GAREM1: variants seen among roughly 807,000 people sequenced by gnomAD.
The protein encoded by GAREM1 is GRB2 associated regulator of MAPK1 subtype 1.
GAREM1 carries 26 observed loss-of-function variants against 71.3 expected under a neutral mutation model. The ratio of observed to expected loss-of-function variants is 0.36; its 90% CI spans 0.27 to 0.51. The LOEUF (loss-of-function observed/expected upper bound fraction) is 0.51, where lower values mean the gene tolerates loss of function less well. GAREM1 is among the 20% of genes least tolerant of loss of function. The probability of loss-of-function intolerance (pLI) is 0.95; values close to 1 mark genes in which losing one functional copy is unlikely to be tolerated. For missense variants in GAREM1, 1,026 were observed against 1,103.1 expected, an observed-to-expected ratio of 0.93 and a Z score of 0.99; for synonymous variants, 440 against 433.2, an observed-to-expected ratio of 1.02 and a Z score of -0.20.
At chr18:32,367,409 A>C (rs4499310) in intron 2 of GAREM1, among the ~76,000 whole-genome samples, 1 of 152,134 alleles carries the variant, frequency 6.6e-6, no homozygotes, top group Non-Finnish European at 1.5e-5. Context: ...TACTGAGTCT[A>C]AGACTCAGAC....
In GAREM1 at chr18:32,268,526, C is replaced by T. The variant is rs1419522443; in HGVS notation, c.1976G>A (p.Gly659Asp). ...SYSYPRQKTP[G>D]TPKRNCPAPF... ...TGCTGGGCAGTTTCTCTTTGGTGTG[C>T]CTGGCGTCTTTTGTCTAGGGTAACT... Residue 659 changes from glycine (G) to aspartate (D), a missense_variant, in exon 6 of 6, where the codon GGC (glycine) becomes GAC (aspartate). Gly to Asp is a moderately conservative substitution (Grantham distance 94). Coordinates refer to ENST00000269209, the MANE Select transcript of GAREM1 (RefSeq NM_001242409.2). 3.1e-6 allele frequency: 5 copies of T among 1,614,138 alleles called. No homozygotes were observed. The East Asian group carries it at 1.1e-4, about 36-fold the overall frequency.
At position 32,434,034 on chromosome 18, in the gene GAREM1, T is replaced by C. The variant is rs185370229; in HGVS notation, c.121+36274A>G. Among the ~76,000 whole-genome samples, 27 of 152,282 alleles carry C rather than the reference T, an allele frequency of 1.8e-4. No individual in the cohort carries two copies. The East Asian group carries it at 3.3e-3, about 19-fold the overall frequency. On this transcript the variant is annotated intron_variant, in intron 1 of 5. Coordinates refer to ENST00000269209, the MANE Select transcript of GAREM1 (RefSeq NM_001242409.2). ...AGATTCACACTATTTAAGACTGAAC[T>C]ATACTCAAGACTGTGTTGTACTGGT...
intron 1 of GAREM1, chr18:32,412,171 T>A (rs1463253229): frequency 2.0e-6 from 3 of 1,494,988 alleles, no homozygotes; most frequent in East Asian, 4.5e-5. Flanking sequence ...GGCTTCCCTG[T>A]CACTTCTCTG....
chr18:32,402,535 T>C (rs576383563), intron 1 of GAREM1, among the ~76,000 whole-genome samples: 6 of 152,164 alleles, frequency 3.9e-5, no homozygotes, highest in Non-Finnish European at 7.3e-5. Context: ...GAGCCACTTT[T>C]CTGATCCCTC....
intron 2 of GAREM1, among the ~76,000 whole-genome samples, chr18:32,355,776 G>A (rs2047798913): frequency 6.6e-6 from 1 of 152,064 alleles, no homozygotes. Context: ...TTAAGCAAAT[G>A]GATGTAATCA....
intron 2 of GAREM1, among the ~76,000 whole-genome samples, chr18:32,368,022 C>T (rs2047942312): frequency 6.6e-6 from 1 of 152,064 alleles, no homozygotes; most frequent in Admixed American, 6.6e-5. Context: ...ACATTCCTAT[C>T]CGTGCTTACC....
rs1483836252 is a variant in GAREM1, at chr18:32,336,417, G to T, written c.263-26094C>A. Among the ~76,000 whole-genome samples, 4 of 139,272 alleles carry T rather than the reference G, an allele frequency of 2.9e-5. No homozygotes were observed. The East Asian group carries it at 6.3e-4, about 22-fold the overall frequency. The allele number at this position is 139,272 out of a possible 152,430, so 91.4% of individuals were successfully genotyped here. On this transcript the variant is annotated intron_variant, in intron 2 of 5. Transcript: ENST00000269209. ...TGCACTCCAGCCTGGGCAACAGAGC[G>T]AGACTCCGTCTCAAAAAAAAAAAAA...
intron 2 of GAREM1, among the ~76,000 whole-genome samples, chr18:32,317,825 A>G (rs1038412142): frequency 1.1e-4 from 16 of 152,144 alleles, no homozygotes; most frequent in Non-Finnish European, 7.3e-5. Flanking sequence ...GTTGGAGTCA[A>G]ATCTTGGAGA....
At chr18:32,328,239 T>A (rs1308819033) in intron 2 of GAREM1, among the ~76,000 whole-genome samples, 1 of 152,244 alleles carries the variant, frequency 6.6e-6, no homozygotes, top group Non-Finnish European at 1.5e-5. Flanking sequence ...CAATGTCTAT[T>A]CAATTTTTAA....
chr18:32,361,872 A>T (rs1003149965), intron 2 of GAREM1, among the ~76,000 whole-genome samples: 3 of 152,214 alleles, frequency 2.0e-5, no homozygotes, highest in Non-Finnish European at 2.9e-5. Context: ...TTGGAGACAT[A>T]TGTACCAGGT....
In GAREM1 at chr18:32,265,563, C is replaced by G. The variant is rs1362788176; in HGVS notation, c.*2308G>C. 6.6e-6 allele frequency: 1 copy of G among 152,158 alleles called. No individual in the cohort carries two copies. Among genetic ancestry groups the G allele is most frequent in the Non-Finnish European group, 1.5e-5 (1 of 68,034 alleles). The allele number at this position is 152,158 out of a possible 1,614,324, so 9.4% of individuals were successfully genotyped here. On this transcript the variant is annotated 3_prime_UTR_variant, in exon 6 of 6. Coordinates refer to ENST00000269209, the MANE Select transcript of GAREM1 (RefSeq NM_001242409.2). ...GCACTGTAGTGATACTAGACTGTAG[C>G]ATAAGTGAATCAAAGGCCACAGTCC...
At chr18:32,465,463 C>G in intron 1 of GAREM1, among the ~76,000 whole-genome samples, 1 of 152,088 alleles carries the variant, frequency 6.6e-6, no homozygotes, top group East Asian at 1.9e-4. Context: ...GACCAAATTT[C>G]CCACAGTCCC....
intron 2 of GAREM1, among the ~76,000 whole-genome samples, chr18:32,333,756 A>G (rs569237138): frequency 3.7e-4 from 57 of 152,290 alleles, no homozygotes; most frequent in African/African-American, 9.6e-4. Context: ...TGGGCTGACA[A>G]TGACGCTCAA....
At chr18:32,352,195 T>G (rs2047759521) in intron 2 of GAREM1, among the ~76,000 whole-genome samples, 1 of 152,178 alleles carries the variant, frequency 6.6e-6, no homozygotes, top group Admixed American at 6.5e-5. Flanking sequence ...TAGTCAGTTC[T>G]GCAAAATTTT....
At chr18:32,344,935 G>A (rs777328994) in intron 2 of GAREM1, among the ~76,000 whole-genome samples, 1 of 152,106 alleles carries the variant, frequency 6.6e-6, no homozygotes, top group Non-Finnish European at 1.5e-5. Context: ...GGTGGCGCAT[G>A]CCTGTAATCC....
At chr18:32,442,896 A>T (rs944562567) in intron 1 of GAREM1, among the ~76,000 whole-genome samples, 3 of 152,198 alleles carry the variant, frequency 2.0e-5, no homozygotes, top group Non-Finnish European at 2.9e-5. Flanking sequence ...CTACTGTAAA[A>T]GGGAACATGT....
intron 4 of GAREM1, among the ~76,000 whole-genome samples, chr18:32,276,008 T>C (rs980646586): frequency 1.3e-5 from 2 of 152,210 alleles, no homozygotes; most frequent in Non-Finnish European, 2.9e-5. Flanking sequence ...GTTCAGTGTT[T>C]CAATTATCAT....
intron 1 of GAREM1, among the ~76,000 whole-genome samples, chr18:32,402,617 T>G (rs7243412): frequency 2.0e-5 from 3 of 152,054 alleles, no homozygotes; most frequent in Non-Finnish European, 4.4e-5. Context: ...GCTCCACCCT[T>G]AGCCTGTTCC....
At chr18:32,463,530 C>CAT (rs1286968898) in intron 1 of GAREM1, among the ~76,000 whole-genome samples, 1 of 151,092 alleles carries the variant, frequency 6.6e-6, no homozygotes, top group East Asian at 1.9e-4. Flanking sequence ...GAAAGTATAC[C>CAT]ATATATCAAT....
Sources: allele counts gnomAD v4.1 joint callset (sites outside exome capture counted in the v4.1 genomes callset), GRCh38; gene constraint gnomAD v4.1.1; transcripts MANE v1.5; gene names NCBI Gene and HGNC (gene_info 2026-07-23, HGNC 2026-07-21).